The following AEBP2 variants were observed in gnomAD, a reference collection of about 807,000 sequenced individuals.
AEBP2 encodes AE binding protein 2.
AEBP2 carries 10 observed loss-of-function variants against 50.8 expected under a neutral mutation model. The ratio of observed to expected loss-of-function variants is 0.20; its 90% confidence interval spans 0.12 to 0.33. The LOEUF is 0.33. Among genes scored for constraint, AEBP2 ranks in the 10% least tolerant of loss-of-function variants. The pLI, the probability that AEBP2 is intolerant of heterozygous loss-of-function variation, is 1.00. For synonymous variants in AEBP2, 296 were observed against 261.3 expected, an observed-to-expected ratio of 1.13 and a Z score of -1.28; for missense variants, 570 against 688.0, an observed-to-expected ratio of 0.83 and a Z score of 1.92.
chr12:19,413,758 A>C (rs2095740692), intron 1 of AEBP2, among the ~76,000 whole-genome samples: 1 of 152,096 alleles, frequency 6.6e-6, no homozygotes, highest in African/African-American at 2.4e-5. Context: ...TGGCATTTGT[A>C]AACTGTCATG....
In AEBP2 at chr12:19,439,906, C is replaced by CGGCGGCGGAGGA; in HGVS notation, c.209_220dup (p.Gly70_Gly73dup). On this transcript the variant is annotated inframe_insertion, in exon 1 of 8. Transcript: ENST00000266508. ...GCGGCAGCGGTGGGGGCGGCGGAGG[C>CGGCGGCGGAGGA]GGCGGCGGAGGAGTGGGGGGCGGCG... 1 of 1,479,624 alleles carries CGGCGGCGGAGGA rather than the reference C, an allele frequency of 6.8e-7. No homozygotes were observed. Among genetic ancestry groups the CGGCGGCGGAGGA allele is most frequent in the Non-Finnish European group, 8.9e-7 (1 of 1,124,554 alleles). The allele number at this position is 1,479,624 out of a possible 1,614,324, so 91.7% of individuals were successfully genotyped here. A position where few individuals can be genotyped will look rare whatever the true frequency, so the allele number is the denominator to read the frequency against.
chr12:19,515,177 A>C (rs1214134684), intron 7 of AEBP2, among the ~76,000 whole-genome samples: 2 of 152,104 alleles, frequency 1.3e-5, no homozygotes, highest in African/African-American at 2.4e-5. Flanking sequence ...CCCTTTCTCC[A>C]AACTTTCCAA....
At chr12:19,422,645 T>A (rs544221822) in intron 1 of AEBP2, among the ~76,000 whole-genome samples, 101 of 152,026 alleles carry the variant, frequency 6.6e-4, no homozygotes, top group Admixed American at 2.4e-3. Context: ...TACAGGCATG[T>A]GCCACCATGC....
chr12:19,488,421 C>T (rs1290472602), intron 3 of AEBP2, among the ~76,000 whole-genome samples: 1 of 151,756 alleles, frequency 6.6e-6, no homozygotes, highest in African/African-American at 2.4e-5. Flanking sequence ...AGTCATCGCT[C>T]CTATCCATAT....
chr12:19,466,860 C>T, intron 2 of AEBP2: 1 of 911,372 alleles, frequency 1.1e-6, no homozygotes, highest in Non-Finnish European at 1.3e-6. Context: ...AGTAAGTTAG[C>T]AAGATCTAAA....
rs1462488367 is a variant in AEBP2, at chr12:19,439,622, G to A, written c.-78G>A. The A allele has an allele frequency of 6.8e-7, 1 of 1,475,676 alleles. No individual in the cohort carries two copies. The highest frequency in any genetic ancestry group is 2.7e-5 in the East Asian group (1 of 37,380). The allele number at this position is 1,475,676 out of a possible 1,614,324, so 91.4% of individuals were successfully genotyped here. A position where few individuals can be genotyped will look rare whatever the true frequency, so the allele number is the denominator to read the frequency against. Reference sequence around the variant, plus strand: ...CGTCGGCGGAGTTTTGGGCGTTTGGGAGGGGGGCGAGGGAGAGAGAGTCGA... The same window carrying A: ...CGTCGGCGGAGTTTTGGGCGTTTGGAAGGGGGGCGAGGGAGAGAGAGTCGA... On this transcript the variant is annotated 5_prime_UTR_variant, in exon 1 of 8. Coordinates refer to ENST00000266508, the MANE Select transcript of AEBP2 (RefSeq NM_153207.5).
chr12:19,418,895 C>T, intron 1 of AEBP2: 1 of 53,306 alleles, frequency 1.9e-5, no homozygotes, highest in Non-Finnish European at 6.7e-5. Flanking sequence ...GCCTGGGTGA[C>T]AGCCTCTGAG....
intron 4 of AEBP2, among the ~76,000 whole-genome samples, chr12:19,498,955 C>T (rs1211653931): frequency 6.6e-6 from 1 of 152,068 alleles, no homozygotes; most frequent in Non-Finnish European, 1.5e-5. Flanking sequence ...TTTGAGGCTA[C>T]AGTGAGCCAT....
chr12:19,466,900 C>G (rs557849992), intron 2 of AEBP2: 28 of 723,104 alleles, frequency 3.9e-5, no homozygotes, highest in Non-Finnish European at 4.4e-5. Flanking sequence ...TTTTCTCATT[C>G]CACTATAATC....
intron 3 of AEBP2, among the ~76,000 whole-genome samples, chr12:19,479,699 A>G (rs1024972060): frequency 2.2e-5 from 1 of 45,898 alleles, no homozygotes; most frequent in Admixed American, 2.0e-4. Flanking sequence ...ATTATTATTT[A>G]ATGTCACCTC....
At chr12:19,461,068 T>C (rs1423159220) in intron 1 of AEBP2, among the ~76,000 whole-genome samples, 4 of 152,202 alleles carry the variant, frequency 2.6e-5, no homozygotes, top group African/African-American at 9.7e-5. Context: ...AAAATGTTAA[T>C]TGAATTCAGA....
chr12:19,480,056 T>G (rs1687291236), intron 3 of AEBP2, among the ~76,000 whole-genome samples: 1 of 152,022 alleles, frequency 6.6e-6, no homozygotes, highest in South Asian at 2.1e-4. Context: ...TTTTCTTCAT[T>G]GTGTTATTGT....
chr12:19,410,041 A>C (rs1012549847), intron 1 of AEBP2, among the ~76,000 whole-genome samples: 1 of 152,132 alleles, frequency 6.6e-6, no homozygotes, highest in Non-Finnish European at 1.5e-5. Context: ...GTAGTTATAA[A>C]AGTGCAAAAA....
chr12:19,451,934 C>T (rs1948171896), intron 1 of AEBP2, among the ~76,000 whole-genome samples: 1 of 152,064 alleles, frequency 6.6e-6, no homozygotes, highest in African/African-American at 2.4e-5. Context: ...CTCTGTCACC[C>T]AGACGGGAGT....
intron 1 of AEBP2, among the ~76,000 whole-genome samples, chr12:19,406,613 G>A (rs965979978): frequency 2.7e-5 from 4 of 150,876 alleles, no homozygotes; most frequent in African/African-American, 9.8e-5. Context: ...CCCAGGAGGC[G>A]GAGGTTGCAG....
At chr12:19,490,149 T>C (rs1948875862) in intron 3 of AEBP2, among the ~76,000 whole-genome samples, 1 of 151,824 alleles carries the variant, frequency 6.6e-6, no homozygotes, top group Non-Finnish European at 1.5e-5. Context: ...AAATAAACTC[T>C]TGATGGTAAC....
At chr12:19,515,797 A>G (rs1425095270) in intron 7 of AEBP2, among the ~76,000 whole-genome samples, 1 of 152,136 alleles carries the variant, frequency 6.6e-6, no homozygotes, top group Non-Finnish European at 1.5e-5. Context: ...AGTTTTCCCT[A>G]TTACAATAAA....
intron 3 of AEBP2, among the ~76,000 whole-genome samples, chr12:19,477,964 C>A (rs559637392): frequency 1.3e-5 from 2 of 152,168 alleles, no homozygotes; most frequent in Admixed American, 6.5e-5. Flanking sequence ...TTTTCTACTT[C>A]GTGCATGTAA....
chr12:19,445,402 G>A (rs1366999179), intron 1 of AEBP2, among the ~76,000 whole-genome samples: 1 of 149,132 alleles, frequency 6.7e-6, no homozygotes, highest in Non-Finnish European at 1.5e-5. Context: ...TTTTAGTAGA[G>A]AGGGTTGCAC....
Sources: gnomAD v4.1 joint callset for allele counts (sites outside exome capture counted in the v4.1 genomes callset) on GRCh38, gnomAD v4.1.1 for gene constraint, MANE v1.5 for transcripts, NCBI Gene and HGNC (gene_info 2026-07-23, HGNC 2026-07-21) for gene names.